Variants in XRCC4 observed in about 807,000 individuals in gnomAD.
XRCC4 encodes the protein DNA repair protein XRCC4.
Under a neutral mutation model 39.1 loss-of-function variants are expected in XRCC4, and 28 were observed. That is an observed-to-expected ratio of 0.72 (90% CI 0.53 to 0.98). XRCC4 has a LOEUF of 0.98. Ranked by LOEUF, XRCC4 falls within the 50% of genes least tolerant of loss-of-function variation. The pLI is 0.00. For synonymous variants in XRCC4, 123 were observed against 126.4 expected, an observed-to-expected ratio of 0.97 and a Z score of 0.18; for missense variants, 350 against 376.4, an observed-to-expected ratio of 0.93 and a Z score of 0.58.
At chr5:83,223,671 G>C (rs1561415249) in intron 6 of XRCC4, among the ~76,000 whole-genome samples, 1 of 151,166 alleles carries the variant, frequency 6.6e-6, no homozygotes, top group Non-Finnish European at 1.5e-5. Flanking sequence ...TTTTTGCTTT[G>C]TTTTGTTTTT....
chr5:83,348,267 C>G (rs1756977936), intron 7 of XRCC4, among the ~76,000 whole-genome samples: 2 of 152,320 alleles, frequency 1.3e-5, no homozygotes, highest in South Asian at 4.1e-4. Context: ...CATTTTCTTT[C>G]TATCCACACT....
intron 7 of XRCC4, among the ~76,000 whole-genome samples, chr5:83,294,865 A>G (rs1487328934): frequency 2.6e-5 from 4 of 151,894 alleles, no homozygotes; most frequent in African/African-American, 7.2e-5. Context: ...TTAAAGTGTG[A>G]TTTTATGGAA....
intron 7 of XRCC4, among the ~76,000 whole-genome samples, chr5:83,335,799 A>G (rs149902537): frequency 1.8e-3 from 272 of 152,192 alleles, no homozygotes; most frequent in African/African-American, 6.2e-3. Context: ...TAGTCTTTAT[A>G]GAATGGTCTG....
chr5:83,279,118 T>A (rs569354543), intron 7 of XRCC4, among the ~76,000 whole-genome samples: 86 of 147,888 alleles, frequency 5.8e-4, no homozygotes, highest in African/African-American at 2.0e-3. Context: ...TATATCTATA[T>A]CAGTTTGAAA....
the XRCC4 span, among the ~76,000 whole-genome samples, chr5:83,365,801 C>G: frequency 6.6e-6 from 1 of 152,298 alleles, no homozygotes; most frequent in East Asian, 1.9e-4. Flanking sequence ...CCAATTACAA[C>G]TTCAGTAAAT....
In XRCC4 at chr5:83,132,552, C is replaced by G. The variant is rs545345723; in HGVS notation, c.315+21349C>G. Among the ~76,000 whole-genome samples the G allele has an allele frequency of 7.9e-5, 12 of 151,940 alleles. 1 individual carries two copies. In the East Asian group the frequency reaches 2.3e-3, roughly 30 times the overall value. ...GTAGGTTTGTTCTTTTCACATAGTC[C>G]CATATTTCTCGGAGGCTTTGTTCAT... On this transcript the variant is annotated intron_variant, in intron 3 of 7. Coordinates refer to ENST00000396027, the MANE Select transcript of XRCC4 (RefSeq NM_003401.5).
intron 7 of XRCC4, among the ~76,000 whole-genome samples, chr5:83,315,964 G>A (rs1352197610): frequency 6.6e-6 from 1 of 152,108 alleles, no homozygotes; most frequent in East Asian, 1.9e-4. Context: ...TCCTCTGATG[G>A]ATCTTCGCAA....
intron 1 of XRCC4, among the ~76,000 whole-genome samples, chr5:83,100,295 A>C (rs79624883): frequency 0.015 from 2,283 of 152,224 alleles, 54 homozygotes; most frequent in African/African-American, 0.051. Flanking sequence ...AGAATTAGAA[A>C]ATTGGAAAAT....
chr5:83,216,641 G>T (rs1422666764), intron 6 of XRCC4, among the ~76,000 whole-genome samples: 1 of 152,106 alleles, frequency 6.6e-6, no homozygotes, highest in Non-Finnish European at 1.5e-5. Context: ...ATATAAAGGA[G>T]TAAACTACTG....
At chr5:83,198,276 G>C (rs1234194791) in intron 4 of XRCC4, among the ~76,000 whole-genome samples, 7 of 152,080 alleles carry the variant, frequency 4.6e-5, no homozygotes, top group Admixed American at 3.3e-4. Flanking sequence ...TGAAGGGATG[G>C]GAGGGTGGTG....
intron 3 of XRCC4, among the ~76,000 whole-genome samples, chr5:83,161,255 C>T (rs1288165105): frequency 6.6e-6 from 1 of 151,912 alleles, no homozygotes; most frequent in Non-Finnish European, 1.5e-5. Context: ...GGATTATGGG[C>T]ACCCACCACC....
chr5:83,345,526 A>G (rs1756893376), intron 7 of XRCC4, among the ~76,000 whole-genome samples: 1 of 152,178 alleles, frequency 6.6e-6, no homozygotes, highest in South Asian at 2.1e-4. Flanking sequence ...AGTCAAAACA[A>G]GCATGATTCT....
chr5:83,089,624 C>G (rs1001759934), intron 1 of XRCC4, among the ~76,000 whole-genome samples: 4 of 152,146 alleles, frequency 2.6e-5, no homozygotes, highest in Non-Finnish European at 4.4e-5. Flanking sequence ...GTCACCTATA[C>G]TTTTGACCAA....
chr5:83,146,338 C>T (rs904263984), intron 3 of XRCC4, among the ~76,000 whole-genome samples: 3 of 152,076 alleles, frequency 2.0e-5, no homozygotes, highest in Non-Finnish European at 4.4e-5. Flanking sequence ...TTGGAAAAGT[C>T]AGGGAAAAAA....
chr5:83,177,435 T>G (rs1750007813), intron 3 of XRCC4, among the ~76,000 whole-genome samples: 1 of 109,492 alleles, frequency 9.1e-6, no homozygotes, highest in African/African-American at 3.6e-5. Flanking sequence ...ATAGCTTTAA[T>G]ACCTTTTTTT....
chr5:83,094,602 ATTTC>A (rs1745589100), intron 1 of XRCC4, among the ~76,000 whole-genome samples: 1 of 149,162 alleles, frequency 6.7e-6, no homozygotes. Flanking sequence ...AATTGTTTCT[ATTTC>A]TTTGTCAAAC....
intron 2 of XRCC4, among the ~76,000 whole-genome samples, chr5:83,110,407 A>G (rs138759256): frequency 1.1e-4 from 17 of 152,196 alleles, no homozygotes; most frequent in South Asian, 1.0e-3. Context: ...AAAAATCTCA[A>G]TGATAGTAAA....
the XRCC4 span, among the ~76,000 whole-genome samples, chr5:83,367,590 G>C: frequency 6.6e-6 from 1 of 151,978 alleles, no homozygotes; most frequent in African/African-American, 2.4e-5. Flanking sequence ...CCCAAAAGTG[G>C]GCATCAAGCT....
Position 83,269,889 on chromosome 5 carries a change from T to C in XRCC4, c.893+11212T>C, listed in dbSNP as rs181080858. 1.6e-3 allele frequency among the ~76,000 whole-genome samples: 246 copies of C among 152,100 alleles called. 1 individual carries two copies. Among genetic ancestry groups the C allele is most frequent in the African/African-American group, 5.7e-3 (235 of 41,490 alleles). ...GGTGGGTGGGGGGATGGTTTGGGGGTGATTCAAGCACATTACATTTATTGT... is the reference window on the plus strand; with the variant it reads ...GGTGGGTGGGGGGATGGTTTGGGGGCGATTCAAGCACATTACATTTATTGT... On this transcript the variant is annotated intron_variant, in intron 7 of 7. Transcript: ENST00000396027.
Sources: allele counts gnomAD v4.1 joint callset (sites outside exome capture counted in the v4.1 genomes callset), GRCh38; gene constraint gnomAD v4.1.1; transcripts MANE v1.5; gene names NCBI Gene and HGNC (gene_info 2026-07-23, HGNC 2026-07-21).